The following HYI variants were observed in gnomAD, a reference collection of about 807,000 sequenced individuals.
The protein encoded by HYI is putative hydroxypyruvate isomerase.
HYI carries 47 observed loss-of-function variants against 39.7 expected under a neutral mutation model. The observed-to-expected ratio is 1.18, with a 90% CI of 0.94 to 1.51. The LOEUF is 1.51. Among genes scored for constraint, HYI ranks in the 40% most tolerant of loss-of-function variants. The probability of loss-of-function intolerance (pLI) is 0.00; values close to 1 mark genes in which losing one functional copy is unlikely to be tolerated. For synonymous variants in HYI, 186 were observed against 158.8 expected, an observed-to-expected ratio of 1.17 and a Z score of -1.29; for missense variants, 465 against 370.3, an observed-to-expected ratio of 1.26 and a Z score of -2.10.
chr1:43,450,835 CT>C (rs1557611060), downstream of HYI: 1 of 710,984 alleles, frequency 1.4e-6, no homozygotes, highest in East Asian at 2.8e-5. The surrounding 1 kb of genome is among the most constrained non-coding windows in gnomAD (Gnocchi z 4.3). Context: ...ATCCTGCCCC[CT>C]AGCCTTTGAC....
In HYI at chr1:43,453,472, C is replaced by T; in HGVS notation, c.225G>A (p.Gly75=). 1 of 1,560,548 alleles carries T rather than the reference C, an allele frequency of 6.4e-7. No individual in the cohort carries two copies. Among genetic ancestry groups the T allele is most frequent in the Non-Finnish European group, 8.7e-7 (1 of 1,151,426 alleles). Residue 75 remains glycine (G), a synonymous_variant, in exon 2 of 8, where the codon GGG becomes GGA. Coordinates refer to ENST00000372430, the MANE Select transcript of HYI (RefSeq NM_001190880.3). Reference sequence around the variant, plus strand: ...CCTGTCTCCCGGGGACGGCCCCCAGCCCCATTTCCCCCTTCTCTTGGTCTC... The same window carrying T: ...CCTGTCTCCCGGGGACGGCCCCCAGTCCCATTTCCCCCTTCTCTTGGTCTC... The part of the protein sequence containing the change: ...PPGDQEKGEM[G]LGAVPGRQAA...
chr1:43,453,733 G>T lies in HYI; in HGVS notation c.61C>A (p.Pro21Thr), dbSNP rs746535141. ...SWLFPELSGLPARVRAAGSSG... is the reference protein window; with the variant it reads ...SWLFPELSGLTARVRAAGSSG... ...CTGCCCGCGGCCCGCACCCGCGCGG[G>T]GAGGCCGGAGAGCTCGGGGAATAGC... The change falls in exon 1 of 8, where the codon CCC becomes ACC. Residue 21 changes from proline (P) to threonine (T), a missense_variant. Transcript: ENST00000372430. The T allele has an allele frequency of 7.2e-7, 1 of 1,387,458 alleles. No homozygotes were observed. Among genetic ancestry groups the T allele is most frequent in the East Asian group, 3.0e-5 (1 of 33,318 alleles). 85.9% of individuals were successfully genotyped at this position (1,387,458 alleles called of 1,614,324 possible). A position where few individuals can be genotyped will look rare whatever the true frequency, so the allele number is the denominator to read the frequency against.
At chr1:43,452,895 CTACA>C (rs1656594292) in intron 2 of HYI, 1 of 1,594,740 alleles carries the variant, frequency 6.3e-7, no homozygotes, top group African/African-American at 1.3e-5. Flanking sequence ...TCCCAACAGG[CTACA>C]TACATGTCCA....
Position 43,452,314 on chromosome 1 carries a change from T to G in HYI, c.317A>C (p.His106Pro). The G allele has an allele frequency of 1.2e-6, 2 of 1,613,250 alleles. No individual in the cohort carries two copies. The highest frequency in any genetic ancestry group is 3.3e-4 in the Middle Eastern group (2 of 6,062). The change falls in exon 3 of 8, where the codon CAC (histidine) becomes CCC (proline). Residue 106 changes from histidine to proline, a missense_variant. His to Pro is a moderately conservative substitution (Grantham distance 77). Coordinates refer to ENST00000372430, the MANE Select transcript of HYI (RefSeq NM_001190880.3). The stretch of plus-strand genomic sequence containing the variant: ...CTGGGGTACTCGGCCAGCCATCAGG[T>G]GGATCCTGTGGGGAAGATGGACTGG... ...YAKALGCPRI[H>P]LMAGRVPQGA...
At position 43,453,455 on chromosome 1, in the gene HYI, C is replaced by A. The variant is rs747888724; in HGVS notation, c.242G>T (p.Gly81Val). ...TCCCTCTCGGAAGGCCGCCTGTCTC[C>A]CGGGGACGGCCCCCAGCCCCATTTC... ...KGEMGLGAVP[G>V]RQAAFREGLE... The change falls in exon 2 of 8, where the codon GGG (glycine) becomes GTG (valine). Residue 81 changes from glycine (G) to valine (V), a missense_variant. Gly to Val is a moderately radical substitution (Grantham distance 109, BLOSUM62 -3). Coordinates refer to ENST00000372430, the MANE Select transcript of HYI (RefSeq NM_001190880.3). 6.4e-7 allele frequency: 1 copy of A among 1,563,692 alleles called. No homozygotes were observed. Among genetic ancestry groups the A allele is most frequent in the East Asian group, 2.4e-5 (1 of 41,516 alleles).
In HYI at chr1:43,453,463, G is replaced by A; in HGVS notation, c.234C>T (p.Ala78=). ...DQEKGEMGLG[A]VPGRQAAFRE... is the part of the protein sequence containing the mutation. ...GGAAGGCCGCCTGTCTCCCGGGGACGGCCCCCAGCCCCATTTCCCCCTTCT... is the reference window on the plus strand; with the variant it reads ...GGAAGGCCGCCTGTCTCCCGGGGACAGCCCCCAGCCCCATTTCCCCCTTCT... The change falls in exon 2 of 8, where the codon GCC becomes GCT. Residue 78 remains alanine, a synonymous_variant. Coordinates refer to ENST00000372430, the MANE Select transcript of HYI (RefSeq NM_001190880.3). 11 of 1,562,404 alleles carry A rather than the reference G, an allele frequency of 7.0e-6. No homozygotes were observed. The highest frequency in any genetic ancestry group is 9.5e-6 in the Non-Finnish European group (11 of 1,152,396).
rs778819086 is a variant in HYI, at chr1:43,453,728, C to G, written c.66G>C (p.Ala22=). The G allele has an allele frequency of 7.2e-7, 1 of 1,389,104 alleles. No individual in the cohort carries two copies. The highest frequency in any genetic ancestry group is 9.2e-7 in the Non-Finnish European group (1 of 1,083,202). The allele number at this position is 1,389,104 out of a possible 1,614,324, so 86.0% of individuals were successfully genotyped here. The change falls in exon 1 of 8, where the codon GCG becomes GCC. Residue 22 remains alanine, a synonymous_variant. Transcript: ENST00000372430. ...WLFPELSGLP[A]RVRAAGSSGF... ...CCGAGCTGCCCGCGGCCCGCACCCG[C>G]GCGGGGAGGCCGGAGAGCTCGGGGA...
intron 1 of HYI, 40 bp downstream of exon 1, chr1:43,453,555 C>A: frequency 6.6e-7 from 1 of 1,520,022 alleles, no homozygotes; most frequent in Non-Finnish European, 8.9e-7. Context: ...CGCGCCCCGG[C>A]ACCCCCCAGC....
chr1:43,453,074 C>T (rs938191563), intron 2 of HYI: 9 of 897,524 alleles, frequency 1.0e-5, no homozygotes, highest in Non-Finnish European at 1.6e-5. Context: ...AGGTGCCTAC[C>T]CTGCTCCCAC....
In HYI at chr1:43,452,193, C is replaced by G; in HGVS notation, c.426+12G>C. 2 of 1,603,856 alleles carry G rather than the reference C, an allele frequency of 1.2e-6. No individual in the cohort carries two copies. Among genetic ancestry groups the G allele is most frequent in the Non-Finnish European group, 1.7e-6 (2 of 1,172,918 alleles). Reference sequence around the variant, plus strand: ...AGACATGTAAGTACGTGTGTGTTTCCACCTTTCTCACCTGAGCCAAAACCC... The same window carrying G: ...AGACATGTAAGTACGTGTGTGTTTCGACCTTTCTCACCTGAGCCAAAACCC... On this transcript the variant is annotated intron_variant, in intron 3 of 7. Coordinates refer to ENST00000372430, the MANE Select transcript of HYI (RefSeq NM_001190880.3).
rs745705548 is a variant in HYI, at chr1:43,451,024, G to A, written c.*214C>T. On this transcript the variant is annotated 3_prime_UTR_variant, in exon 8 of 8. Transcript: ENST00000372430. ...GACCCTGGGTTTCTCATCCTTTAAT[G>A]AGGTGGGTTCAGAAGCTCTCCCATC... The A allele has an allele frequency of 9.1e-6, 7 of 770,834 alleles. No individual in the cohort carries two copies. The highest frequency in any genetic ancestry group is 1.4e-5 in the Non-Finnish European group (6 of 423,940). The allele number at this position is 770,834 out of a possible 1,614,324, so 47.7% of individuals were successfully genotyped here. A position where few individuals can be genotyped will look rare whatever the true frequency, so the allele number is the denominator to read the frequency against.
rs888837386 is a variant in HYI, at chr1:43,453,799, G to T, written c.-6C>A. The T allele has an allele frequency of 7.9e-7, 1 of 1,265,044 alleles. No individual in the cohort carries two copies. The allele number at this position is 1,265,044 out of a possible 1,614,324, so 78.4% of individuals were successfully genotyped here. A position where few individuals can be genotyped will look rare whatever the true frequency, so the allele number is the denominator to read the frequency against. ...GAGAAGCGCAGCGGCGCCATGCCTG[G>T]GGAGGCCGGGCCGGGCGGAGTCCGC... On this transcript the variant is annotated 5_prime_UTR_variant, in exon 1 of 8. Transcript: ENST00000372430.
rs1435200367 is a variant in HYI at position 43,453,596 on chromosome 1, C to T, written c.198G>A (p.Pro66=). 1.4e-5 allele frequency: 21 copies of T among 1,524,344 alleles called. No homozygotes were observed. The highest frequency in any genetic ancestry group is 6.3e-5 in the Admixed American group (3 of 47,284). The allele number at this position is 1,524,344 out of a possible 1,614,324, so 94.4% of individuals were successfully genotyped here. ...GLRLVLINTP[P]GDQEKGEMGL... is the part of the protein sequence containing the mutation. ...CAGCCCTCCCGGCCCGCGACGCACC[C>T]GGGGGCGTGTTGATCAGTACAAGCC... Residue 66 remains proline, a splice_region_variant and synonymous_variant, in exon 1 of 8, where the codon CCG becomes CCA. Coordinates refer to ENST00000372430, the MANE Select transcript of HYI (RefSeq NM_001190880.3).
In HYI at chr1:43,453,907, A is replaced by C; in HGVS notation, c.-114T>G. On this transcript the variant is annotated 5_prime_UTR_variant, in exon 1 of 8. Coordinates refer to ENST00000372430, the MANE Select transcript of HYI (RefSeq NM_001190880.3). Reference sequence around the variant, plus strand: ...TTGCTGGCCCTGCGAACGAACGAGCACTGTTCGTGGTTAGAAAAGCGAAGT... The same window carrying C: ...TTGCTGGCCCTGCGAACGAACGAGCCCTGTTCGTGGTTAGAAAAGCGAAGT... 1.6e-6 allele frequency: 2 copies of C among 1,214,624 alleles called. No homozygotes were observed. The highest frequency in any genetic ancestry group is 4.0e-5 in the South Asian group (1 of 25,252). 75.2% of individuals were successfully genotyped at this position (1,214,624 alleles called of 1,614,324 possible).
chr1:43,450,721 C>G (rs539339860), downstream of HYI: 2 of 707,474 alleles, frequency 2.8e-6, no homozygotes, highest in East Asian at 2.5e-5. This position sits in a 1 kb window ranked among gnomAD's most constrained non-coding sequence, Gnocchi z 4.3. Context: ...AGGTCAACCC[C>G]GAGGACCCCT....
intron 2 of HYI, 114 bp from the exon 3 acceptor site, chr1:43,452,433 A>G: frequency 1.2e-6 from 1 of 819,720 alleles, no homozygotes; most frequent in South Asian, 1.4e-5. Flanking sequence ...AGTCCATGGC[A>G]CCTGGGTCAC....
In HYI at chr1:43,451,783, C is replaced by T. The variant is rs373025107; in HGVS notation, c.555+15G>A. 2.5e-5 allele frequency: 41 copies of T among 1,613,924 alleles called. No individual in the cohort carries two copies. The highest frequency in any genetic ancestry group is 4.0e-5 in the African/African-American group (3 of 74,912). On this transcript the variant is annotated intron_variant, in intron 5 of 7. Transcript: ENST00000372430. ...CGCCCTCCTTCCGATCTGCGAAGTA[C>T]CCCCTTCCACTTACCATTTGTAATT...
At position 43,453,652 on chromosome 1, in the gene HYI, G is replaced by A; in HGVS notation, c.142C>T (p.Leu48=). The change falls in exon 1 of 8, where the codon CTG becomes TTG. Residue 48 remains leucine, a synonymous_variant. Transcript: ENST00000372430. The stretch of plus-strand genomic sequence containing the variant: ...CCCGCTTCTCGCGCGGCGCGCGCCA[G>A]CGCCTCAGGCGTCTCCGCGTACGGC... ...AWPYAETPEA[L]ARAAREAGLR... 1 of 1,486,576 alleles carries A rather than the reference G, an allele frequency of 6.7e-7. No homozygotes were observed. The highest frequency in any genetic ancestry group is 2.8e-5 in the East Asian group (1 of 35,188). The allele number at this position is 1,486,576 out of a possible 1,614,324, so 92.1% of individuals were successfully genotyped here. A position where few individuals can be genotyped will look rare whatever the true frequency, so the allele number is the denominator to read the frequency against.
At chr1:43,452,091 T>C (rs878912364) in intron 3 of HYI, 78 bp from the exon 4 acceptor site, 2 of 1,522,540 alleles carry the variant, frequency 1.3e-6, no homozygotes, top group South Asian at 2.4e-5. Flanking sequence ...GTCAAGGCCC[T>C]CACCTGTTCC....
Sources: allele counts gnomAD v4.1 joint callset, GRCh38; gene constraint gnomAD v4.1.1; non-coding constraint Gnocchi (gnomAD v3.1); transcripts MANE v1.5; gene names NCBI Gene and HGNC (gene_info 2026-07-23, HGNC 2026-07-21).